PCDHGA1: variants seen among roughly 807,000 people sequenced by gnomAD.
PCDHGA1 encodes the protein protocadherin gamma subfamily A, 1.
In PCDHGA1, 32 loss-of-function variants were observed where a neutral mutation model predicts 58.0. The observed-to-expected ratio is 0.55, with a 90% CI of 0.42 to 0.74. The LOEUF (loss-of-function observed/expected upper bound fraction) is 0.74. Ranked by LOEUF, PCDHGA1 falls within the 30% of genes least tolerant of loss-of-function variation. The pLI is 0.00. For missense variants in PCDHGA1, 1,205 were observed against 1,182.3 expected, an observed-to-expected ratio of 1.02 and a Z score of -0.28; for synonymous variants, 498 against 501.1, an observed-to-expected ratio of 0.99 and a Z score of 0.08.
intron 1 of PCDHGA1, chr5:141,400,558 C>T: frequency 1.2e-6 from 2 of 1,613,290 alleles, no homozygotes; most frequent in Non-Finnish European, 1.7e-6. Flanking sequence ...TTTTTCATTA[C>T]CCACCCAATT....
In PCDHGA1 at chr5:141,432,171, T is replaced by C. The variant is rs114326665; in HGVS notation, c.2422-62636T>C. On this transcript the variant is annotated intron_variant, in intron 1 of 3. Coordinates refer to ENST00000517417, the MANE Select transcript of PCDHGA1 (RefSeq NM_018912.3). This position sits in a 1 kb window ranked among gnomAD's most constrained non-coding sequence, Gnocchi z 6.0. ...GAGAACAATCCCAGAGGAGTTTCCC[T>C]CGTCTCTGTGACCGCCCACGACCCC... The C allele has an allele frequency of 4.4e-5, 71 of 1,614,046 alleles. No individual in the cohort carries two copies. In the African/African-American group the frequency reaches 8.5e-4, roughly 19 times the overall value.
intron 1 of PCDHGA1, chr5:141,423,316 G>C (rs1424301976): frequency 1.2e-6 from 2 of 1,614,044 alleles, no homozygotes; most frequent in Non-Finnish European, 1.7e-6. Context: ...CTTGGTGGTG[G>C]CGGTGGCCGC....
chr5:141,347,648 A>G lies in PCDHGA1; in HGVS notation c.2421+14543A>G, dbSNP rs539678995. 2.6e-5 allele frequency among the ~76,000 whole-genome samples: 4 copies of G among 152,140 alleles called. No individual in the cohort carries two copies. In the South Asian group the frequency reaches 6.2e-4, roughly 24 times the overall value. On this transcript the variant is annotated intron_variant, in intron 1 of 3. Coordinates refer to ENST00000517417, the MANE Select transcript of PCDHGA1 (RefSeq NM_018912.3). ...CTAAAAATACAAAAATTAGCTGGGC[A>G]TGGTGGTGGGCGCCTGTAATCCAAG...
At chr5:141,415,416 G>C (rs747598923) in intron 1 of PCDHGA1, 3 of 1,614,220 alleles carry the variant, frequency 1.9e-6, no homozygotes, top group Non-Finnish European at 2.5e-6. Flanking sequence ...TTGTGGGCGT[G>C]GACGGGGTTC....
At chr5:141,410,698 C>G in intron 1 of PCDHGA1, 1 of 1,482,836 alleles carries the variant, frequency 6.7e-7, no homozygotes, top group Non-Finnish European at 9.0e-7. Context: ...ACTTTATTTT[C>G]ATATCTAGAA....
intron 1 of PCDHGA1, among the ~76,000 whole-genome samples, chr5:141,482,633 G>T (rs1218163238): frequency 2.0e-5 from 3 of 151,784 alleles, no homozygotes; most frequent in Non-Finnish European, 2.9e-5. Flanking sequence ...AGGAAGAAAT[G>T]ATAGAGGTGG....
Position 141,404,312 on chromosome 5 carries a change from C to T in PCDHGA1, c.2421+71207C>T. On this transcript the variant is annotated intron_variant, in intron 1 of 3. Transcript: ENST00000517417. ...CAATGATAATCCACCTGCTTTCTCT[C>T]AAGCCTCCTACTCAGTCTACCTCCC... is the stretch of plus-strand genomic sequence containing the variant. 1.9e-6 allele frequency: 3 copies of T among 1,613,956 alleles called. No individual in the cohort carries two copies. The Middle Eastern group carries it at 4.9e-4, about 266-fold the overall frequency.
intron 3 of PCDHGA1, 73 bp from the exon 4 acceptor site, chr5:141,510,874 G>C: frequency 6.2e-7 from 1 of 1,610,126 alleles, no homozygotes; most frequent in Non-Finnish European, 8.5e-7. Context: ...TTCATTAACT[G>C]CTGGGGATAT....
intron 1 of PCDHGA1, chr5:141,345,511 A>G (rs1370786139): frequency 1.2e-6 from 2 of 1,614,146 alleles, no homozygotes; most frequent in Non-Finnish European, 1.7e-6. Context: ...GCATTGACCG[A>G]GGACACTCTC....
At chr5:141,458,984 C>T (rs2098958355) in intron 1 of PCDHGA1, among the ~76,000 whole-genome samples, 1 of 152,204 alleles carries the variant, frequency 6.6e-6, no homozygotes, top group Non-Finnish European at 1.5e-5. Context: ...CCTCCTGCCT[C>T]ACCCTCCCAA....
chr5:141,477,817 C>G lies in PCDHGA1; in HGVS notation c.2422-16990C>G, dbSNP rs1593824080. 2 of 1,614,138 alleles carry G rather than the reference C, an allele frequency of 1.2e-6. No individual in the cohort carries two copies. The highest frequency in any genetic ancestry group is 8.5e-7 in the Non-Finnish European group (1 of 1,180,038). ...ATCGCAATGACAATGCCCCCCAGGT[C>G]CTATATCCTCGGCCAGGTGGGAGCT... is the stretch of plus-strand genomic sequence containing the variant. On this transcript the variant is annotated intron_variant, in intron 1 of 3. Coordinates refer to ENST00000517417, the MANE Select transcript of PCDHGA1 (RefSeq NM_018912.3). This position sits in a 1 kb window ranked among gnomAD's most constrained non-coding sequence, Gnocchi z 4.9.
Position 141,485,072 on chromosome 5 carries a change from G to C in PCDHGA1, c.2422-9735G>C. 1.1e-6 allele frequency: 1 copy of C among 917,012 alleles called. No individual in the cohort carries two copies. The highest frequency in any genetic ancestry group is 1.7e-6 in the Non-Finnish European group (1 of 587,880). 56.8% of individuals were successfully genotyped at this position (917,012 alleles called of 1,614,324 possible). On this transcript the variant is annotated intron_variant, in intron 1 of 3. Coordinates refer to ENST00000517417, the MANE Select transcript of PCDHGA1 (RefSeq NM_018912.3). The surrounding 1 kb of genome is among the most constrained non-coding windows in gnomAD (Gnocchi z 5.7). ...CCGGCCGAACCGCGCCAGAGCTGGCGCGGGGAAAGGGAGATAGGTGTCTCC... is the reference window on the plus strand; with the variant it reads ...CCGGCCGAACCGCGCCAGAGCTGGCCCGGGGAAAGGGAGATAGGTGTCTCC...
intron 1 of PCDHGA1, chr5:141,346,060 G>T: frequency 6.2e-7 from 1 of 1,613,574 alleles, no homozygotes; most frequent in Non-Finnish European, 8.5e-7. Flanking sequence ...GCCGACCTGG[G>T]CAGCCTCGAG....
In PCDHGA1 at chr5:141,476,351, G is replaced by A; in HGVS notation, c.2422-18456G>A. The A allele has an allele frequency of 1.2e-6, 2 of 1,614,182 alleles. No individual in the cohort carries two copies. The highest frequency in any genetic ancestry group is 1.7e-6 in the Non-Finnish European group (2 of 1,180,046). ...TGGAGCTAGCCGAAGATTCTTTGAG[G>A]TGAACCGGGAGACCGGAGAGATGTT... On this transcript the variant is annotated intron_variant, in intron 1 of 3. Coordinates refer to ENST00000517417, the MANE Select transcript of PCDHGA1 (RefSeq NM_018912.3). This position sits in a 1 kb window ranked among gnomAD's most constrained non-coding sequence, Gnocchi z 7.6.
chr5:141,429,960 A>C (rs981722031), intron 1 of PCDHGA1, among the ~76,000 whole-genome samples: 2 of 152,244 alleles, frequency 1.3e-5, no homozygotes, highest in African/African-American at 4.8e-5. Flanking sequence ...AGTCAATGCA[A>C]GTTGGAATGC....
chr5:141,352,551 T>C (rs1484372863), intron 1 of PCDHGA1: 9 of 1,613,846 alleles, frequency 5.6e-6, no homozygotes, highest in Non-Finnish European at 7.6e-6. Flanking sequence ...TTTAATTCTC[T>C]CAACCTGACA....
At position 141,485,301 on chromosome 5, in the gene PCDHGA1, C is replaced by T; in HGVS notation, c.2422-9506C>T. 1 of 1,614,124 alleles carries T rather than the reference C, an allele frequency of 6.2e-7. No homozygotes were observed. The highest frequency in any genetic ancestry group is 1.1e-5 in the South Asian group (1 of 91,082). The stretch of plus-strand genomic sequence containing the variant: ...GTCCCAGAGGAGTCACAGGAAGGGA[C>T]TTTTGTAGGGAATGTCGCTCAAGAT... On this transcript the variant is annotated intron_variant, in intron 1 of 3. Coordinates refer to ENST00000517417, the MANE Select transcript of PCDHGA1 (RefSeq NM_018912.3). This position sits in a 1 kb window ranked among gnomAD's most constrained non-coding sequence, Gnocchi z 5.7.
intron 1 of PCDHGA1, chr5:141,419,553 C>T (rs2096398346): frequency 1.2e-5 from 20 of 1,611,902 alleles, no homozygotes; most frequent in Non-Finnish European, 1.4e-5. Flanking sequence ...GTGCTGTACC[C>T]TGCGCTGGGT....
chr5:141,432,946 A>G lies in PCDHGA1; in HGVS notation c.2422-61861A>G. 2 of 1,614,130 alleles carry G rather than the reference A, an allele frequency of 1.2e-6. No individual in the cohort carries two copies. The highest frequency in any genetic ancestry group is 1.1e-5 in the South Asian group (1 of 91,080). ...AGTCACGCCTGCTGCAGGCTTCAGG[A>G]GGCGGCTTGACAGGAGCGCCGGCGT... is the stretch of plus-strand genomic sequence containing the variant. On this transcript the variant is annotated intron_variant, in intron 1 of 3. Coordinates refer to ENST00000517417, the MANE Select transcript of PCDHGA1 (RefSeq NM_018912.3). This position sits in a 1 kb window ranked among gnomAD's most constrained non-coding sequence, Gnocchi z 6.0.
Sources: allele counts gnomAD v4.1 joint callset (sites outside exome capture counted in the v4.1 genomes callset), GRCh38; gene constraint gnomAD v4.1.1; non-coding constraint Gnocchi (gnomAD v3.1); transcripts MANE v1.5; gene names NCBI Gene and HGNC (gene_info 2026-07-23, HGNC 2026-07-21).